The following AUTS2 variants were observed in gnomAD, a reference collection of about 807,000 sequenced individuals.
AUTS2 encodes the protein activator of transcription and developmental regulator AUTS2.
Under a neutral mutation model 112.4 loss-of-function variants are expected in AUTS2, and 17 were observed. That is an observed-to-expected ratio of 0.15 (90% CI 0.10 to 0.23). AUTS2 has a LOEUF of 0.23. AUTS2 is among the 10% of genes least tolerant of loss of function. AUTS2 has a pLI of 1.00. For synonymous variants in AUTS2, 751 were observed against 702.7 expected (o/e 1.07, Z -1.09); for missense variants, 1,510 against 1,701.6 (o/e 0.89, Z 1.98).
chr7:70,057,385 C>G (rs896774403), intron 2 of AUTS2, among the ~76,000 whole-genome samples: 2 of 152,122 alleles, frequency 1.3e-5, no homozygotes, highest in African/African-American at 2.4e-5. Context: ...TGCCGGCTGA[C>G]CGGACTGGTA....
intron 1 of AUTS2, among the ~76,000 whole-genome samples, chr7:69,685,066 C>T (rs1332667914): frequency 6.6e-6 from 1 of 152,194 alleles, no homozygotes; most frequent in Non-Finnish European, 1.5e-5. Flanking sequence ...CGCTTCTGGG[C>T]TGAAAGATAT....
chr7:70,752,303 G>A (rs886242528), intron 6 of AUTS2, among the ~76,000 whole-genome samples: 1 of 152,052 alleles, frequency 6.6e-6, no homozygotes, highest in Non-Finnish European at 1.5e-5. Flanking sequence ...AGCTTTCTCC[G>A]AAACCAATAT....
At chr7:70,133,466 T>C (rs999864559) in intron 3 of AUTS2, among the ~76,000 whole-genome samples, 2 of 152,194 alleles carry the variant, frequency 1.3e-5, no homozygotes, top group Non-Finnish European at 2.9e-5. Context: ...TGGTTACTGC[T>C]GTCTGAAGTT....
chr7:70,131,345 C>A (rs1035931253), intron 3 of AUTS2, among the ~76,000 whole-genome samples: 2 of 151,980 alleles, frequency 1.3e-5, no homozygotes, highest in African/African-American at 4.8e-5. Context: ...ACTCAGGAGG[C>A]TGAGGCAGGA....
At chr7:70,302,821 C>G (rs903999730) in intron 4 of AUTS2, among the ~76,000 whole-genome samples, 1 of 151,908 alleles carries the variant, frequency 6.6e-6, no homozygotes, top group Non-Finnish European at 1.5e-5. Context: ...CTAAGCACTT[C>G]TCATCATGTC....
chr7:70,523,080 T>C (rs1799706007), intron 5 of AUTS2, among the ~76,000 whole-genome samples: 2 of 152,234 alleles, frequency 1.3e-5, no homozygotes, highest in Non-Finnish European at 1.5e-5. Context: ...CAGTGAACAG[T>C]ATTCCAACAA....
intron 4 of AUTS2, among the ~76,000 whole-genome samples, chr7:70,331,192 T>C (rs376629931): frequency 5.9e-5 from 9 of 152,154 alleles, no homozygotes; most frequent in African/African-American, 1.7e-4. Flanking sequence ...CTTTTTTTGG[T>C]TGTTAGGCTA....
At chr7:70,041,274 T>C (rs1801234662) in intron 2 of AUTS2, among the ~76,000 whole-genome samples, 1 of 152,200 alleles carries the variant, frequency 6.6e-6, no homozygotes, top group African/African-American at 2.4e-5. Flanking sequence ...ATATTATCCA[T>C]AAAATATACT....
chr7:70,606,701 A>G (rs1803793374), intron 5 of AUTS2, among the ~76,000 whole-genome samples: 2 of 152,022 alleles, frequency 1.3e-5, no homozygotes, highest in Admixed American at 1.3e-4. Context: ...ATCTCTACTG[A>G]AAATTCCAAA....
At chr7:70,500,872 G>A (rs1051837321) in intron 5 of AUTS2, among the ~76,000 whole-genome samples, 2 of 152,022 alleles carry the variant, frequency 1.3e-5, no homozygotes, top group South Asian at 2.1e-4. Flanking sequence ...TCAGGCATCC[G>A]CCACCACGCC....
chr7:69,898,762 G>A (rs909758230), intron 1 of AUTS2, among the ~76,000 whole-genome samples: 1 of 152,176 alleles, frequency 6.6e-6, no homozygotes, highest in African/African-American at 2.4e-5. Flanking sequence ...AGAGGAACAT[G>A]TAAAAAAATA....
chr7:70,423,709 T>C (rs915693104), intron 4 of AUTS2, among the ~76,000 whole-genome samples: 3 of 152,226 alleles, frequency 2.0e-5, no homozygotes, highest in Non-Finnish European at 4.4e-5. Flanking sequence ...TTTGGTTTTT[T>C]ATCAGTGAAA....
At chr7:70,567,650 C>G (rs187043016) in intron 5 of AUTS2, among the ~76,000 whole-genome samples, 38 of 152,302 alleles carry the variant, frequency 2.5e-4, no homozygotes, top group Non-Finnish European at 3.7e-4. Context: ...ACTCTCTGGG[C>G]AGTACACAGT....
intron 6 of AUTS2, among the ~76,000 whole-genome samples, chr7:70,709,654 T>G: frequency 6.6e-6 from 1 of 152,110 alleles, no homozygotes; most frequent in East Asian, 1.9e-4. Flanking sequence ...GAGGTTGCAG[T>G]GAGCGGAGAT....
At chr7:69,691,523 C>T (rs1797343167) in intron 1 of AUTS2, among the ~76,000 whole-genome samples, 1 of 152,292 alleles carries the variant, frequency 6.6e-6, no homozygotes, top group African/African-American at 2.4e-5. Flanking sequence ...AGCTACTGTA[C>T]ACCTGACTGG....
chr7:70,264,332 C>T (rs771210767), intron 4 of AUTS2, among the ~76,000 whole-genome samples: 20 of 152,078 alleles, frequency 1.3e-4, no homozygotes, highest in Non-Finnish European at 1.0e-4. Context: ...CTCAGCCTCC[C>T]GAGTAGCTGT....
At chr7:70,472,473 AG>A (rs1441890993) in intron 5 of AUTS2, among the ~76,000 whole-genome samples, 2 of 151,870 alleles carry the variant, frequency 1.3e-5, no homozygotes, top group Non-Finnish European at 2.9e-5. Flanking sequence ...TGCTGGGTAA[AG>A]GGGGGAACAT....
At chr7:70,639,429 A>G (rs1291010221) in intron 5 of AUTS2, among the ~76,000 whole-genome samples, 1 of 151,664 alleles carries the variant, frequency 6.6e-6, no homozygotes, top group Non-Finnish European at 1.5e-5. Context: ...CAGCCTGGGC[A>G]ACATAGGAAC....
At chr7:70,780,319 A>G (rs1025016206) in intron 14 of AUTS2, among the ~76,000 whole-genome samples, 1 of 152,208 alleles carries the variant, frequency 6.6e-6, no homozygotes, top group Non-Finnish European at 1.5e-5. Flanking sequence ...CCCAATTTCT[A>G]CTGCCTAAGA....
Sources: gnomAD v4.1 joint callset for allele counts (sites outside exome capture counted in the v4.1 genomes callset) on GRCh38, gnomAD v4.1.1 for gene constraint, MANE v1.5 for transcripts, NCBI Gene and HGNC (gene_info 2026-07-23, HGNC 2026-07-21) for gene names.